The following SP1 variants were observed in gnomAD, a reference collection of about 807,000 sequenced individuals.
The protein encoded by SP1 is transcription factor Sp1.
In SP1, 6 loss-of-function variants were observed where a neutral mutation model predicts 66.3. The observed-to-expected ratio is 0.09, with a 90% CI of 0.05 to 0.18. The LOEUF is 0.18. SP1 is among the 10% of genes least tolerant of loss of function. The pLI is 1.00. For missense variants in SP1, 848 were observed against 964.5 expected, an observed-to-expected ratio of 0.88 and a Z score of 1.60; for synonymous variants, 417 against 360.8, an observed-to-expected ratio of 1.16 and a Z score of -1.77.
At position 53,414,249 on chromosome 12, in the gene SP1, A is replaced by G. The variant is rs1938952497; in HGVS notation, c.*3009A>G. The G allele has an allele frequency of 6.6e-6, 1 of 152,528 alleles. No individual in the cohort carries two copies. 9.4% of individuals were successfully genotyped at this position (152,528 alleles called of 1,614,324 possible). A position where few individuals can be genotyped will look rare whatever the true frequency, so the allele number is the denominator to read the frequency against. On this transcript the variant is annotated 3_prime_UTR_variant, in exon 6 of 6. Transcript: ENST00000327443. ...ACTTGCAGGGCAGGGGATGCCCAGAAGAGTGGTGAGATAGTAAAACACTTA... is the reference window on the plus strand; with the variant it reads ...ACTTGCAGGGCAGGGGATGCCCAGAGGAGTGGTGAGATAGTAAAACACTTA...
chr12:53,408,889 G>T (rs894062176), intron 4 of SP1, among the ~76,000 whole-genome samples: 1 of 151,260 alleles, frequency 6.6e-6, no homozygotes, highest in African/African-American at 2.4e-5. Context: ...CTGGGCGACA[G>T]AGCGAGACTC....
At chr12:53,388,005 G>C (rs1335879753) in intron 3 of SP1, among the ~76,000 whole-genome samples, 1 of 151,948 alleles carries the variant, frequency 6.6e-6, no homozygotes, top group Non-Finnish European at 1.5e-5. Flanking sequence ...AAATGTATTC[G>C]AAAAGGTGTT....
chr12:53,381,384 G>T, intron 1 of SP1: 1 of 268,496 alleles, frequency 3.7e-6, no homozygotes, highest in Non-Finnish European at 7.0e-6. Context: ...CATGCCTACC[G>T]TCCTTCACAT....
chr12:53,408,033 G>A (rs1372216116), intron 4 of SP1, among the ~76,000 whole-genome samples: 3 of 144,352 alleles, frequency 2.1e-5, no homozygotes, highest in African/African-American at 7.5e-5. Context: ...GATCACCTGA[G>A]GTCAGGAGTA....
intron 3 of SP1, among the ~76,000 whole-genome samples, chr12:53,389,322 A>G (rs1225549812): frequency 1.3e-5 from 2 of 149,604 alleles, no homozygotes; most frequent in African/African-American, 4.9e-5. Flanking sequence ...CCTGGGTTCA[A>G]GCAATTCTCC....
chr12:53,414,276 TC>T lies in SP1; in HGVS notation c.*3039del, dbSNP rs1938952804. 1 of 152,640 alleles carries T rather than the reference TC, an allele frequency of 6.6e-6. No homozygotes were observed. The highest frequency in any genetic ancestry group is 2.4e-5 in the African/African-American group (1 of 41,456). The allele number at this position is 152,640 out of a possible 1,614,324, so 9.5% of individuals were successfully genotyped here. On this transcript the variant is annotated 3_prime_UTR_variant, in exon 6 of 6. Transcript: ENST00000327443. The stretch of plus-strand genomic sequence containing the variant: ...AGTGGTGAGATAGTAAAACACTTAT[TC>T]CCTCATCCTTTCAGGTTTTCAGGTT...
chr12:53,382,935 A>G lies in SP1; in HGVS notation c.988A>G (p.Thr330Ala). 3 of 1,614,136 alleles carry G rather than the reference A, an allele frequency of 1.9e-6. No individual in the cohort carries two copies. The highest frequency in any genetic ancestry group is 2.5e-6 in the Non-Finnish European group (3 of 1,180,004). The stretch of plus-strand genomic sequence containing the variant: ...CACCAATGCCAATAGCTACTCAACT[A>G]CTACTACCACCAGCAACATGGGAAT... ...FFTNANSYST[T>A]TTTSNMGIMN... The change falls in exon 3 of 6, where the codon ACT (threonine) becomes GCT (alanine). Residue 330 changes from threonine (T) to alanine (A), a missense_variant. By Grantham distance (58) the Thr-to-Ala change is moderately conservative (BLOSUM62 0). This residue lies in a region of SP1 where 606 missense variants were observed against 589.9 expected (regional missense o/e 1.03). Coordinates refer to ENST00000327443, the MANE Select transcript of SP1 (RefSeq NM_138473.3).
chr12:53,382,853 G>A lies in SP1; in HGVS notation c.906G>A (p.Gly302=). Residue 302 remains glycine, a synonymous_variant, in exon 3 of 6, where the codon GGG becomes GGA. Transcript: ENST00000327443. ...GTGGCTCACAGCCTGTCACCTCAGGGACTACCATCAGTTCTGCCAGCTTGG... is the reference window on the plus strand; with the variant it reads ...GTGGCTCACAGCCTGTCACCTCAGGAACTACCATCAGTTCTGCCAGCTTGG... ...QESGSQPVTS[G]TTISSASLVS... 1 of 1,614,138 alleles carries A rather than the reference G, an allele frequency of 6.2e-7. No individual in the cohort carries two copies. The highest frequency in any genetic ancestry group is 8.5e-7 in the Non-Finnish European group (1 of 1,180,008).
chr12:53,383,604 G>T lies in SP1; in HGVS notation c.1657G>T (p.Ala553Ser). ...QVHPIQGLPLAIANAPGDHGA... is the reference protein window; with the variant it reads ...QVHPIQGLPLSIANAPGDHGA... Reference sequence around the variant, plus strand: ...GCACCCAATTCAAGGCCTGCCGTTGGCTATAGCAAATGCCCCAGGTAAGAT... The same window carrying T: ...GCACCCAATTCAAGGCCTGCCGTTGTCTATAGCAAATGCCCCAGGTAAGAT... The change falls in exon 3 of 6, where the codon GCT becomes TCT. Residue 553 changes from alanine (A) to serine (S), a missense_variant. Coordinates refer to ENST00000327443, the MANE Select transcript of SP1 (RefSeq NM_138473.3). 1 of 1,606,734 alleles carries T rather than the reference G, an allele frequency of 6.2e-7. No individual in the cohort carries two copies. The highest frequency in any genetic ancestry group is 8.5e-7 in the Non-Finnish European group (1 of 1,176,028).
chr12:53,393,980 C>T (rs1040114152), intron 3 of SP1, among the ~76,000 whole-genome samples: 3 of 150,682 alleles, frequency 2.0e-5, no homozygotes, highest in East Asian at 2.0e-4. Flanking sequence ...TTTGGGAGGC[C>T]GAGGTGGGTG....
chr12:53,390,860 C>G (rs1938333461), intron 3 of SP1, among the ~76,000 whole-genome samples: 1 of 152,142 alleles, frequency 6.6e-6, no homozygotes, highest in Admixed American at 6.6e-5. Flanking sequence ...AATTAAATAA[C>G]AAGAGTGCCT....
In SP1 at chr12:53,414,799, C is replaced by G. The variant is rs1208066091; in HGVS notation, c.*3559C>G. ...GGGTTCTTCTGGGGTGCTAATCAGG[C>G]CCCTGTTATGCTTAGGGGGAGCCCT... On this transcript the variant is annotated 3_prime_UTR_variant, in exon 6 of 6. Coordinates refer to ENST00000327443, the MANE Select transcript of SP1 (RefSeq NM_138473.3). 1 of 152,536 alleles carries G rather than the reference C, an allele frequency of 6.6e-6. No homozygotes were observed. The highest frequency in any genetic ancestry group is 2.4e-5 in the African/African-American group (1 of 41,412). 9.4% of individuals were successfully genotyped at this position (152,536 alleles called of 1,614,324 possible). A position where few individuals can be genotyped will look rare whatever the true frequency, so the allele number is the denominator to read the frequency against.
At chr12:53,394,489 CT>C (rs1205343606) in intron 3 of SP1, among the ~76,000 whole-genome samples, 2 of 145,364 alleles carry the variant, frequency 1.4e-5, no homozygotes, top group South Asian at 2.1e-4. Context: ...TACTGCAGCC[CT>C]TGACCTCCTG....
In SP1 at chr12:53,413,097, T is replaced by G. The variant is rs1361251024; in HGVS notation, c.*1857T>G. ...GGGTGAATGTGTGTTCATGCCCGTATATGTCTACACACAGATGACAAATTA... is the reference window on the plus strand; with the variant it reads ...GGGTGAATGTGTGTTCATGCCCGTAGATGTCTACACACAGATGACAAATTA... On this transcript the variant is annotated 3_prime_UTR_variant, in exon 6 of 6. Transcript: ENST00000327443. 1 of 152,602 alleles carries G rather than the reference T, an allele frequency of 6.6e-6. No individual in the cohort carries two copies. The highest frequency in any genetic ancestry group is 6.5e-5 in the Admixed American group (1 of 15,274). 9.5% of individuals were successfully genotyped at this position (152,602 alleles called of 1,614,324 possible). A position where few individuals can be genotyped will look rare whatever the true frequency, so the allele number is the denominator to read the frequency against.
intron 3 of SP1, among the ~76,000 whole-genome samples, chr12:53,403,196 T>A: frequency 6.6e-6 from 1 of 152,148 alleles, no homozygotes; most frequent in East Asian, 1.9e-4. Context: ...CTCAAAATTA[T>A]GTGGAAGAGC....
intron 3 of SP1, among the ~76,000 whole-genome samples, chr12:53,391,051 A>C (rs1042584549): frequency 2.6e-5 from 4 of 152,100 alleles, no homozygotes; most frequent in African/African-American, 9.7e-5. Flanking sequence ...CATGCTTTTT[A>C]AGTTACTTTT....
intron 3 of SP1, among the ~76,000 whole-genome samples, chr12:53,384,602 A>G (rs1305550981): frequency 6.6e-6 from 1 of 152,090 alleles, no homozygotes. Context: ...TCTGTTTTGT[A>G]TGTTTTTTTT....
Position 53,410,778 on chromosome 12 carries a change from C to A in SP1, c.2045-149C>A. 6.0e-6 allele frequency: 4 copies of A among 672,076 alleles called. 1 individual carries two copies. The South Asian group carries it at 7.4e-5, about 12-fold the overall frequency. 41.6% of individuals were successfully genotyped at this position (672,076 alleles called of 1,614,324 possible). On this transcript the variant is annotated intron_variant, in intron 5 of 5. Coordinates refer to ENST00000327443, the MANE Select transcript of SP1 (RefSeq NM_138473.3). ...AAAGTGCTGGGATTACAAGCGTGAG[C>A]CACCACGCCCAGCCACTTGAAGATT...
chr12:53,384,266 G>T (rs1262327226), intron 3 of SP1, among the ~76,000 whole-genome samples: 2 of 150,212 alleles, frequency 1.3e-5, no homozygotes, highest in African/African-American at 4.9e-5. Context: ...ACCGCGCCCG[G>T]CTTTCTTTTC....
Sources: allele counts gnomAD v4.1 joint callset (sites outside exome capture counted in the v4.1 genomes callset), GRCh38; gene constraint gnomAD v4.1.1; regional missense constraint gnomAD v4.1.1; transcripts MANE v1.5; gene names NCBI Gene and HGNC (gene_info 2026-07-23, HGNC 2026-07-21).